NRG1: variants seen among roughly 807,000 people sequenced by gnomAD.
NRG1 encodes the protein pro-neuregulin-1, membrane-bound isoform.
Under a neutral mutation model 63.8 loss-of-function variants are expected in NRG1, and 18 were observed. The observed-to-expected ratio is 0.28, with a 90% CI of 0.19 to 0.42. The LOEUF is 0.42. NRG1 is among the 10% of genes least tolerant of loss of function. The pLI is 1.00. For synonymous variants in NRG1, 302 were observed against 301.3 expected (o/e 1.00, Z -0.02); for missense variants, 762 against 814.7 (o/e 0.94, Z 0.79).
chr8:32,312,728 T>C (rs1016558036), intron 1 of NRG1, among the ~76,000 whole-genome samples: 7 of 152,128 alleles, frequency 4.6e-5, no homozygotes, highest in African/African-American at 1.7e-4. Context: ...GTTTCAAAAA[T>C]GTACCAACCT....
chr8:32,740,947 G>A (rs1454136710), intron 6 of NRG1, among the ~76,000 whole-genome samples: 1 of 152,152 alleles, frequency 6.6e-6, no homozygotes, highest in Non-Finnish European at 1.5e-5. Context: ...TTGCTGTATA[G>A]ATGAACTATT....
At chr8:32,163,812 A>G (rs1459153074) in intron 1 of NRG1, among the ~76,000 whole-genome samples, 1 of 152,168 alleles carries the variant, frequency 6.6e-6, no homozygotes, top group African/African-American at 2.4e-5. Context: ...TTTCACTGTT[A>G]CTTAATTGAC....
chr8:32,652,130 G>A (rs984426806), intron 5 of NRG1, among the ~76,000 whole-genome samples: 7 of 151,992 alleles, frequency 4.6e-5, no homozygotes, highest in African/African-American at 7.2e-5. Flanking sequence ...TTCTATCATC[G>A]TATCCTTACT....
chr8:32,088,446 T>C (rs1828613954), intron 1 of NRG1, among the ~76,000 whole-genome samples: 1 of 152,108 alleles, frequency 6.6e-6, no homozygotes, highest in Non-Finnish European at 1.5e-5. Context: ...ATGGGCTACC[T>C]GAGCAAATAC....
chr8:32,747,606 T>TA (rs1827691667), intron 7 of NRG1, among the ~76,000 whole-genome samples: 1 of 151,830 alleles, frequency 6.6e-6, no homozygotes. Flanking sequence ...TTATGAAAAA[T>TA]ATAGCTTATT....
intron 1 of NRG1, among the ~76,000 whole-genome samples, chr8:32,150,516 C>T (rs1837387473): frequency 6.6e-6 from 1 of 152,180 alleles, no homozygotes; most frequent in South Asian, 2.1e-4. Flanking sequence ...TCTGCTTCTG[C>T]CATGTGAGGG....
At chr8:32,429,379 T>G (rs918383617) in intron 1 of NRG1, among the ~76,000 whole-genome samples, 1 of 152,102 alleles carries the variant, frequency 6.6e-6, no homozygotes, top group Non-Finnish European at 1.5e-5. Context: ...ATAATCACAG[T>G]CTCCTTTTAC....
At chr8:31,871,599 C>T (rs925406243) in intron 1 of NRG1, among the ~76,000 whole-genome samples, 13 of 152,000 alleles carry the variant, frequency 8.6e-5, no homozygotes, top group African/African-American at 3.1e-4. Flanking sequence ...TTTTCAAATC[C>T]TGGGACTTTC....
chr8:32,301,150 AG>A (rs1855526102), intron 1 of NRG1, among the ~76,000 whole-genome samples: 1 of 152,236 alleles, frequency 6.6e-6, no homozygotes, highest in Admixed American at 6.5e-5. Context: ...TAATGAAAAT[AG>A]GGGTAGGGTC....
At position 32,742,837 on chromosome 8, in the gene NRG1, TG is replaced by T; in HGVS notation, c.691+105del. ...CTCAGATTCCACCTAGAGCTAGATG[TG>T]TCTTACCAGATCTAATATTGACTGC... is the stretch of plus-strand genomic sequence containing the variant. On this transcript the variant is annotated intron_variant, in intron 7 of 11. Transcript: ENST00000356819. This position sits in a 1 kb window ranked among gnomAD's most constrained non-coding sequence, Gnocchi z 4.2. 6.2e-7 allele frequency: 1 copy of T among 1,607,488 alleles called. No homozygotes were observed. Among genetic ancestry groups the T allele is most frequent in the Non-Finnish European group, 8.5e-7 (1 of 1,175,596 alleles).
intron 1 of NRG1, among the ~76,000 whole-genome samples, chr8:32,533,360 G>A (rs1200322839): frequency 6.6e-6 from 1 of 152,020 alleles, no homozygotes; most frequent in Non-Finnish European, 1.5e-5. Flanking sequence ...GATTTAATTA[G>A]TTATGTAGCT....
At chr8:32,508,736 TTG>T (rs1828836208) in intron 1 of NRG1, among the ~76,000 whole-genome samples, 1 of 152,080 alleles carries the variant, frequency 6.6e-6, no homozygotes, top group Non-Finnish European at 1.5e-5. Context: ...TTTTGGTTTT[TTG>T]TTTGTTTGTT....
intron 1 of NRG1, among the ~76,000 whole-genome samples, chr8:32,377,607 G>A (rs866815618): frequency 1.3e-5 from 2 of 152,280 alleles, no homozygotes; most frequent in Middle Eastern, 6.8e-3. Context: ...GTAAGGATTT[G>A]TAGTTACCTG....
At chr8:32,095,180 G>A (rs1233387668) in intron 1 of NRG1, among the ~76,000 whole-genome samples, 1 of 152,168 alleles carries the variant, frequency 6.6e-6, no homozygotes, top group Non-Finnish European at 1.5e-5. Flanking sequence ...AAAGTGCTGG[G>A]ATTACAGGCG....
chr8:31,848,895 A>T (rs905225619), intron 1 of NRG1, among the ~76,000 whole-genome samples: 3 of 152,196 alleles, frequency 2.0e-5, no homozygotes, highest in Non-Finnish European at 2.9e-5. Flanking sequence ...ATATAATTGA[A>T]GTGCATAATA....
intron 1 of NRG1, among the ~76,000 whole-genome samples, chr8:31,905,979 A>C (rs1183328398): frequency 6.6e-6 from 1 of 152,246 alleles, no homozygotes; most frequent in Non-Finnish European, 1.5e-5. Flanking sequence ...TAGCGTGAAC[A>C]ATATTAGCTA....
intron 1 of NRG1, among the ~76,000 whole-genome samples, chr8:32,177,153 A>C (rs1840858197): frequency 6.6e-6 from 1 of 152,130 alleles, no homozygotes; most frequent in African/African-American, 2.4e-5. Flanking sequence ...CAGCCATAAA[A>C]AATGATGAGT....
rs1360476031 is a variant in NRG1, at chr8:32,406,712, C to A, written c.38-189116C>A. Among the ~76,000 whole-genome samples, 3 of 151,610 alleles carry A rather than the reference C, an allele frequency of 2.0e-5. No individual in the cohort carries two copies. The East Asian group carries it at 5.8e-4, about 29-fold the overall frequency. ...CATAAGTCTTATTCTTTCTCTTCGT[C>A]CTTTTTTTTTAAAGGCAAGATCTGC... is the stretch of plus-strand genomic sequence containing the variant. On this transcript the variant is annotated intron_variant, in intron 1 of 10. Coordinates refer to the NRG1 transcript ENST00000519301.
chr8:31,744,844 T>A (rs1815686541), intron 1 of NRG1, among the ~76,000 whole-genome samples: 1 of 152,026 alleles, frequency 6.6e-6, no homozygotes, highest in Non-Finnish European at 1.5e-5. Flanking sequence ...ATTGTGCTGC[T>A]TTTATTCACT....
Sources: allele counts gnomAD v4.1 joint callset (sites outside exome capture counted in the v4.1 genomes callset), GRCh38; gene constraint gnomAD v4.1.1; non-coding constraint Gnocchi (gnomAD v3.1); transcripts MANE v1.5; gene names NCBI Gene and HGNC (gene_info 2026-07-23, HGNC 2026-07-21).